Variants in KLF13 observed in about 807,000 individuals in gnomAD.
KLF13 encodes the protein Krueppel-like factor 13.
In KLF13, 8 loss-of-function variants were observed where a neutral mutation model predicts 16.7. The observed-to-expected ratio is 0.48, with a 90% CI of 0.28 to 0.87. KLF13 has a LOEUF of 0.87. Ranked by LOEUF, KLF13 falls within the 40% of genes least tolerant of loss-of-function variation. The probability of loss-of-function intolerance (pLI) is 0.10; values close to 1 mark genes in which losing one functional copy is unlikely to be tolerated. For missense variants in KLF13, 447 were observed against 452.2 expected (o/e 0.99, Z 0.10); for synonymous variants, 245 against 208.4 (o/e 1.18, Z -1.51).
At chr15:31,423,173 A>G (rs1156592637) in intron 1 of KLF13, among the ~76,000 whole-genome samples, 3 of 93,946 alleles carry the variant, frequency 3.2e-5, no homozygotes, top group Non-Finnish European at 6.1e-5. Flanking sequence ...ATGTATATAT[A>G]TACATATATA....
At chr15:31,333,954 G>T (rs551624189) in intron 1 of KLF13, among the ~76,000 whole-genome samples, 1 of 89,248 alleles carries the variant, frequency 1.1e-5, no homozygotes, top group Non-Finnish European at 3.3e-5. Context: ...TCGCCTCATG[G>T]GGGGGGGAGG....
intron 1 of KLF13, among the ~76,000 whole-genome samples, chr15:31,337,447 T>C (rs1379832681): frequency 2.0e-5 from 3 of 152,214 alleles, no homozygotes; most frequent in South Asian, 4.1e-4. Flanking sequence ...GCCCTTTTTT[T>C]CTGCTTGCAT....
intron 1 of KLF13, among the ~76,000 whole-genome samples, chr15:31,331,843 T>C (rs1003831942): frequency 3.3e-5 from 5 of 152,262 alleles, no homozygotes; most frequent in South Asian, 2.1e-4. Context: ...TTTGCACATA[T>C]GCATATGTGT....
chr15:31,345,752 G>A (rs2039104740), intron 1 of KLF13, among the ~76,000 whole-genome samples: 1 of 152,208 alleles, frequency 6.6e-6, no homozygotes, highest in South Asian at 2.1e-4. Context: ...AGGGCTTAGT[G>A]TGCTTAGTTC....
chr15:31,410,625 A>ACACACACC (rs561338823), intron 1 of KLF13, among the ~76,000 whole-genome samples: 3 of 134,740 alleles, frequency 2.2e-5, no homozygotes, highest in African/African-American at 8.0e-5. Flanking sequence ...ACACACACAC[A>ACACACACC]CCCCTATAAC....
rs1491218336 is a variant in KLF13, at chr15:31,423,112, CGT to C, written n.118-12257_118-12256del. Among the ~76,000 whole-genome samples, 2 of 115,820 alleles carry C rather than the reference CGT, an allele frequency of 1.7e-5. 1 individual carries two copies. The highest frequency in any genetic ancestry group is 9.5e-5 in the African/African-American group (2 of 21,054). The allele number at this position is 115,820 out of a possible 152,430, so 76.0% of individuals were successfully genotyped here. On this transcript the variant is annotated intron_variant and non_coding_transcript_variant, in intron 1 of 1. Transcript: ENST00000558225. ...ATACGTATATATACGTATACGTATA[CGT>C]ATATATACGTATATATACGTATACG...
rs1217568001 is a variant in KLF13, at chr15:31,374,942, G to T, written c.*2643G>T. 1 of 152,594 alleles carries T rather than the reference G, an allele frequency of 6.6e-6. No individual in the cohort carries two copies. The highest frequency in any genetic ancestry group is 6.5e-5 in the Admixed American group (1 of 15,280). 9.5% of individuals were successfully genotyped at this position (152,594 alleles called of 1,614,324 possible). On this transcript the variant is annotated 3_prime_UTR_variant, in exon 2 of 2. Coordinates refer to ENST00000307145, the MANE Select transcript of KLF13 (RefSeq NM_015995.4). ...CCTTTAAATGACCCAGGGCTGTTCCGTCTGATAGATGGAAGGGTAACATTG... is the reference window on the plus strand; with the variant it reads ...CCTTTAAATGACCCAGGGCTGTTCCTTCTGATAGATGGAAGGGTAACATTG...
upstream of KLF13, among the ~76,000 whole-genome samples, chr15:31,390,570 C>G (rs1434465493): frequency 6.6e-6 from 1 of 152,218 alleles, no homozygotes; most frequent in Non-Finnish European, 1.5e-5. Flanking sequence ...CCCTGTTGCT[C>G]TGCACTTTTG....
intron 1 of KLF13, among the ~76,000 whole-genome samples, chr15:31,423,157 A>ATATATACGTATACGTATATATACG (rs1474263637): frequency 8.6e-6 from 1 of 116,824 alleles, no homozygotes; most frequent in Non-Finnish European, 1.7e-5. Flanking sequence ...ATATATACGT[A>ATATATACGTATACGTATATATACG]TATATATGTA....
downstream of KLF13, among the ~76,000 whole-genome samples, chr15:31,407,756 T>G (rs942363190): frequency 3.3e-5 from 5 of 152,164 alleles, no homozygotes; most frequent in African/African-American, 1.2e-4. Context: ...AAATATACTA[T>G]AAAATGAACC....
At chr15:31,413,187 C>CAAAAAAAAAAAAAAAAAAAA (rs1161762538) in intron 1 of KLF13, among the ~76,000 whole-genome samples, 18 of 63,308 alleles carry the variant, frequency 2.8e-4, no homozygotes, top group East Asian at 9.8e-4. Context: ...AATGAATAGA[C>CAAAAAAAAAAAAAAAAAAAA]AAAAAAAAAA....
intron 1 of KLF13, among the ~76,000 whole-genome samples, chr15:31,345,920 C>T (rs927055566): frequency 3.3e-5 from 5 of 152,132 alleles, no homozygotes; most frequent in Non-Finnish European, 7.4e-5. Context: ...CTCTGTTTCC[C>T]GGAGGGTTCC....
At chr15:31,411,616 A>AG (rs1349290458) in intron 1 of KLF13, among the ~76,000 whole-genome samples, 33 of 149,834 alleles carry the variant, frequency 2.2e-4, no homozygotes, top group African/African-American at 8.1e-4. Flanking sequence ...CGTGTTAGCC[A>AG]GGATGGTCTC....
chr15:31,353,999 C>G (rs979707779), intron 1 of KLF13, among the ~76,000 whole-genome samples: 1 of 152,242 alleles, frequency 6.6e-6, no homozygotes, highest in South Asian at 2.1e-4. Context: ...ACTCCAGGAC[C>G]CAGGTTGTAG....
upstream of KLF13, among the ~76,000 whole-genome samples, chr15:31,390,302 C>A (rs897215484): frequency 1.3e-5 from 2 of 152,192 alleles, no homozygotes; most frequent in Admixed American, 6.5e-5. Context: ...AATACATCCT[C>A]AAGTAACTAT....
chr15:31,413,582 A>T (rs77402383), intron 1 of KLF13, among the ~76,000 whole-genome samples: 1 of 152,110 alleles, frequency 6.6e-6, no homozygotes, highest in South Asian at 2.1e-4. Flanking sequence ...GTGTTCAAAG[A>T]AAAAAATCAT....
intron 1 of KLF13, among the ~76,000 whole-genome samples, chr15:31,343,356 G>T (rs780322821): frequency 6.6e-6 from 1 of 152,230 alleles, no homozygotes; most frequent in Admixed American, 6.5e-5. Flanking sequence ...GGGATGCAGT[G>T]CCCACAGACA....
chr15:31,418,409 A>G (rs1029985399), intron 1 of KLF13, among the ~76,000 whole-genome samples: 9 of 152,198 alleles, frequency 5.9e-5, no homozygotes, highest in African/African-American at 2.2e-4. Context: ...ATAGAAAACA[A>G]ACATAAATAA....
At chr15:31,362,059 T>G (rs2039398983) in intron 1 of KLF13, among the ~76,000 whole-genome samples, 1 of 152,166 alleles carries the variant, frequency 6.6e-6, no homozygotes, top group Non-Finnish European at 1.5e-5. Flanking sequence ...TTGGCTCTCC[T>G]AGCTGCCATC....
Sources: gnomAD v4.1 joint callset for allele counts (sites outside exome capture counted in the v4.1 genomes callset) on GRCh38, gnomAD v4.1.1 for gene constraint, MANE v1.5 for transcripts, NCBI Gene and HGNC (gene_info 2026-07-23, HGNC 2026-07-21) for gene names.